The following ARL13B variants were observed in gnomAD, a reference collection of about 807,000 sequenced individuals.
The protein encoded by ARL13B is ADP-ribosylation factor-like protein 13B.
In ARL13B, 36 loss-of-function variants were observed where a neutral mutation model predicts 56.1. The observed-to-expected ratio is 0.64, with a 90% CI of 0.49 to 0.85. The LOEUF (loss-of-function observed/expected upper bound fraction) is 0.85. Ranked by LOEUF, ARL13B falls within the 40% of genes least tolerant of loss-of-function variation. The pLI, the probability that ARL13B is intolerant of heterozygous loss-of-function variation, is 0.00. For synonymous variants in ARL13B, 178 were observed against 171.1 expected (o/e 1.04, Z -0.32); for missense variants, 519 against 507.1 (o/e 1.02, Z -0.23).
chr3:94,004,976 G>A (rs993458517), intron 3 of ARL13B, among the ~76,000 whole-genome samples: 2 of 151,982 alleles, frequency 1.3e-5, no homozygotes, highest in African/African-American at 4.8e-5. Context: ...CTAGACTAAA[G>A]TAAAAAATAT....
intron 7 of ARL13B, among the ~76,000 whole-genome samples, chr3:94,046,930 G>C (rs2076993404): frequency 1.3e-5 from 2 of 151,974 alleles, no homozygotes; most frequent in South Asian, 4.1e-4. Flanking sequence ...TAGGGATATA[G>C]CCTGCATTTG....
intron 3 of ARL13B, chr3:94,028,291 T>C (rs1021150960): frequency 6.6e-6 from 1 of 152,216 alleles, no homozygotes; most frequent in African/African-American, 2.4e-5. Flanking sequence ...GAGTGATTTT[T>C]AAATGTAACA....
At chr3:94,011,773 C>G (rs1033601891) in intron 3 of ARL13B, among the ~76,000 whole-genome samples, 21 of 152,070 alleles carry the variant, frequency 1.4e-4, no homozygotes, top group African/African-American at 5.1e-4. Context: ...GGAATCCTTT[C>G]ACTCTACATA....
At chr3:94,023,396 C>CA (rs1369866661) in intron 3 of ARL13B, among the ~76,000 whole-genome samples, 1 of 151,878 alleles carries the variant, frequency 6.6e-6, no homozygotes, top group East Asian at 1.9e-4. Flanking sequence ...TGAAATTTCA[C>CA]AACAATGTGA....
intron 7 of ARL13B, among the ~76,000 whole-genome samples, chr3:94,045,167 A>G (rs1008150884): frequency 3.3e-5 from 5 of 152,164 alleles, no homozygotes; most frequent in Non-Finnish European, 7.3e-5. Flanking sequence ...TGCTCTCTGA[A>G]ACGTGCTGTG....
intron 3 of ARL13B, chr3:94,014,666 T>G (rs2076290297): frequency 6.2e-7 from 1 of 1,613,522 alleles, no homozygotes; most frequent in Non-Finnish European, 8.5e-7. Context: ...GTGATATTGA[T>G]TTCTGTAAGT....
chr3:94,029,338 ATTT>A lies in ARL13B; in HGVS notation c.381-5985_381-5983del, dbSNP rs1272624458. Among the ~76,000 whole-genome samples the A allele has an allele frequency of 6.2e-3, 365 of 58,984 alleles. 3 individuals are homozygous for A. The highest frequency in any genetic ancestry group is 0.023 in the African/African-American group (347 of 15,112). The allele number at this position is 58,984 out of a possible 152,430, so 38.7% of individuals were successfully genotyped here. ...TATATATATATATATATATATATTT[ATTT>A]TTTTTTTATTTTTTTTTTTTTTTGA... On this transcript the variant is annotated intron_variant, in intron 3 of 9. Coordinates refer to ENST00000394222, the MANE Select transcript of ARL13B (RefSeq NM_001174150.2).
chr3:93,987,256 G>A (rs1710517406), intron 1 of ARL13B, among the ~76,000 whole-genome samples: 1 of 151,794 alleles, frequency 6.6e-6, no homozygotes, highest in South Asian at 2.1e-4. Context: ...GCCTCCCAAA[G>A]TACTGGGATT....
At position 93,980,238 on chromosome 3, in the gene ARL13B, C is replaced by T. The variant is rs1179659156; in HGVS notation, c.-186C>T. ...GTTGTTCCTTGGCTAAGAGGGCAGTCGTCGCGGACCCACGCGGTTAGCAAG... is the reference window on the plus strand; with the variant it reads ...GTTGTTCCTTGGCTAAGAGGGCAGTTGTCGCGGACCCACGCGGTTAGCAAG... On this transcript the variant is annotated 5_prime_UTR_variant, in exon 1 of 10. Transcript: ENST00000394222. 7 of 750,252 alleles carry T rather than the reference C, an allele frequency of 9.3e-6. No homozygotes were observed. In the African/African-American group the frequency reaches 1.0e-4, roughly 11 times the overall value. The allele number at this position is 750,252 out of a possible 1,614,324, so 46.5% of individuals were successfully genotyped here.
At chr3:94,027,931 T>C (rs1232523410) in intron 3 of ARL13B, among the ~76,000 whole-genome samples, 1 of 152,130 alleles carries the variant, frequency 6.6e-6, no homozygotes, top group African/African-American at 2.4e-5. Flanking sequence ...TAGCAAATTA[T>C]TTCAGATTTT....
chr3:93,984,589 A>G (rs1384659633), intron 1 of ARL13B, among the ~76,000 whole-genome samples: 5 of 152,268 alleles, frequency 3.3e-5, no homozygotes, highest in Admixed American at 6.5e-5. Context: ...CTTTCATTAA[A>G]AACAAATTTG....
chr3:94,038,816 C>T (rs536824272), intron 5 of ARL13B, among the ~76,000 whole-genome samples: 18 of 152,164 alleles, frequency 1.2e-4, no homozygotes, highest in South Asian at 8.3e-4. Flanking sequence ...CCACCGCACC[C>T]GGCCGGCTGC....
At chr3:93,996,570 G>A in intron 2 of ARL13B, 1 of 341,044 alleles carries the variant, frequency 2.9e-6, no homozygotes, top group Non-Finnish European at 6.1e-6. Context: ...TAGAGATGGG[G>A]TCTCCCTATG....
chr3:94,012,075 A>G (rs2076233562), intron 3 of ARL13B, among the ~76,000 whole-genome samples: 1 of 152,018 alleles, frequency 6.6e-6, no homozygotes, highest in Non-Finnish European at 1.5e-5. Context: ...CCTCATTGAC[A>G]GTTTCAGTTA....
chr3:93,996,095 G>A (rs144501136), intron 2 of ARL13B, 151 bp downstream of exon 2: 91 of 816,602 alleles, frequency 1.1e-4, no homozygotes, highest in African/African-American at 1.1e-3. Flanking sequence ...CTCTTGTGGC[G>A]AATAGGCTCT....
chr3:94,003,470 C>CT (rs2076085785), intron 2 of ARL13B, among the ~76,000 whole-genome samples, 189 bp from the exon 3 acceptor site: 1 of 152,116 alleles, frequency 6.6e-6, no homozygotes. Flanking sequence ...AAGAAAGATT[C>CT]CTATCTGCAT....
intron 9 of ARL13B, among the ~76,000 whole-genome samples, chr3:94,051,549 C>T (rs1379980823): frequency 6.6e-6 from 1 of 152,010 alleles, no homozygotes; most frequent in Non-Finnish European, 1.5e-5. Flanking sequence ...TAGAGAACTG[C>T]CTTATAAAAC....
chr3:93,994,326 C>A (rs1040569986), intron 1 of ARL13B, among the ~76,000 whole-genome samples: 3 of 152,160 alleles, frequency 2.0e-5, no homozygotes, highest in Admixed American at 6.5e-5. Context: ...TCCTTCAAGT[C>A]TTTCCTCAGA....
chr3:94,014,068 C>G (rs2076275471), intron 3 of ARL13B, among the ~76,000 whole-genome samples: 1 of 152,196 alleles, frequency 6.6e-6, no homozygotes, highest in Admixed American at 6.5e-5. Context: ...TACTACTTAA[C>G]ACATGAGAGA....
Sources: gnomAD v4.1 joint callset for allele counts (sites outside exome capture counted in the v4.1 genomes callset) on GRCh38, gnomAD v4.1.1 for gene constraint, MANE v1.5 for transcripts, NCBI Gene and HGNC (gene_info 2026-07-23, HGNC 2026-07-21) for gene names.